The following LAMA3 variants were observed in gnomAD, a reference collection of about 807,000 sequenced individuals.
The protein encoded by LAMA3 is laminin subunit alpha 3.
LAMA3 carries 281 observed loss-of-function variants against 402.0 expected under a neutral mutation model. The observed-to-expected ratio is 0.70, with a 90% CI of 0.63 to 0.77. The LOEUF is 0.77. Among genes scored for constraint, LAMA3 ranks in the 30% least tolerant of loss-of-function variants. The pLI is 0.00. For missense variants in LAMA3, 3,840 were observed against 4,215.5 expected (o/e 0.91, Z 2.47); for synonymous variants, 1,431 against 1,558.4 (o/e 0.92, Z 1.93).
chr18:23,857,866 C>T lies in LAMA3; in HGVS notation c.4159C>T (p.Arg1387Trp), dbSNP rs746123848. The change falls in exon 33 of 75, where the codon CGG becomes TGG. Residue 1387 changes from arginine (R) to tryptophan (W), a missense_variant. Arg to Trp is a moderately radical substitution (Grantham distance 101). This residue lies in a region of LAMA3 where 2,109 missense variants were observed against 2,376.0 expected (regional missense o/e 0.89). Coordinates refer to ENST00000313654, the MANE Select transcript of LAMA3 (RefSeq NM_198129.4). ...QCRCKPRITG[R>W]QCDRCASGFY... ...CAGATGCAAGCCCAGAATCACAGGGCGGCAGTGTGACCGATGTGCTTCCGG... is the reference window on the plus strand; with the variant it reads ...CAGATGCAAGCCCAGAATCACAGGGTGGCAGTGTGACCGATGTGCTTCCGG... 66 of 1,614,068 alleles carry T rather than the reference C, an allele frequency of 4.1e-5. No individual in the cohort carries two copies. Among genetic ancestry groups the T allele is most frequent in the Middle Eastern group, 3.3e-4 (2 of 6,084 alleles).
chr18:23,874,849 A>AGGGACAAT (rs1182266148), intron 38 of LAMA3, among the ~76,000 whole-genome samples: 1 of 152,196 alleles, frequency 6.6e-6, no homozygotes, highest in African/African-American at 2.4e-5. Context: ...GAAATAAATT[A>AGGGACAAT]GGGACAATAT....
At chr18:23,905,482 T>C (rs1377293999) in intron 51 of LAMA3, 40 bp from the exon 52 acceptor site, 1 of 1,091,086 alleles carries the variant, frequency 9.2e-7, no homozygotes, top group South Asian at 1.2e-5. Context: ...TTTCGTAACA[T>C]ATAGCATTTG....
chr18:23,949,767 C>T lies in LAMA3; in HGVS notation c.9354C>T (p.Ser3118=), dbSNP rs2145558598. Residue 3118 remains serine (S), a splice_region_variant and synonymous_variant, in exon 71 of 75, where the codon AGC becomes AGT. Transcript: ENST00000313654. The part of the protein sequence containing the change: ...LGSPPSGKPK[S]LPTNSFVGCL... ...TTTTCTTTTCTGCTTGGTTGCAGAG[C>T]CTCCCCACAAACAGCTTTGTGGGAT... is the stretch of plus-strand genomic sequence containing the variant. The T allele has an allele frequency of 6.2e-7, 1 of 1,613,912 alleles. No individual in the cohort carries two copies. The highest frequency in any genetic ancestry group is 8.5e-7 in the Non-Finnish European group (1 of 1,179,974).
In LAMA3 at chr18:23,932,283, T is replaced by C; in HGVS notation, c.8700T>C (p.Phe2900=). The C allele has an allele frequency of 1.2e-6, 2 of 1,613,986 alleles. No individual in the cohort carries two copies. The highest frequency in any genetic ancestry group is 1.7e-6 in the Non-Finnish European group (2 of 1,179,856). ...TTGAGGGTTGTATTAGCAATGTTTT[T>C]GTCCAGAGGTAGGTGATCCTCTCTT... ...SNFEGCISNV[F]VQRLSLSPEV... Residue 2900 remains phenylalanine (F), a synonymous_variant, in exon 66 of 75, where the codon TTT becomes TTC. Transcript: ENST00000313654.
rs370811901 is a variant in LAMA3 at position 23,940,939 on chromosome 18, C to CTT, written c.9026+1567_9026+1568dup. Among the ~76,000 whole-genome samples the CTT allele has an allele frequency of 5.1e-3, 676 of 133,196 alleles. 11 individuals are homozygous for CTT. Among genetic ancestry groups the CTT allele is most frequent in the Middle Eastern group, 0.015 (4 of 264 alleles). 87.4% of individuals were successfully genotyped at this position (133,196 alleles called of 152,430 possible). A position where few individuals can be genotyped will look rare whatever the true frequency, so the allele number is the denominator to read the frequency against. ...TGACAATGACCTCCCTCTTTCTTTT[C>CTT]TTTTTTTTTTTTTTTGAGACGGAAT... is the stretch of plus-strand genomic sequence containing the variant. On this transcript the variant is annotated intron_variant, in intron 68 of 74. Transcript: ENST00000313654.
rs114197197 is a variant in LAMA3, at chr18:23,747,744, A to G, written c.448-199A>G. On this transcript the variant is annotated intron_variant, in intron 2 of 74. Transcript: ENST00000313654. Reference sequence around the variant, plus strand: ...TATATTTGGTGGAGAAAGAAAGATAATGATTTTTGTTTTGAATTTGATCAG... The same window carrying G: ...TATATTTGGTGGAGAAAGAAAGATAGTGATTTTTGTTTTGAATTTGATCAG... Among the ~76,000 whole-genome samples the G allele has an allele frequency of 3.9e-3, 587 of 152,282 alleles. 3 individuals carry two copies. Among genetic ancestry groups the G allele is most frequent in the African/African-American group, 0.013 (555 of 41,542 alleles).
At chr18:23,884,897 G>A (rs2065020731) in intron 41 of LAMA3, 44 bp downstream of exon 41, 1 of 1,497,304 alleles carries the variant, frequency 6.7e-7, no homozygotes, top group Non-Finnish European at 9.2e-7. Context: ...GAGGGGGCGG[G>A]GAGGGCTGTG....
At chr18:23,854,647 A>G (rs2064024934) in intron 32 of LAMA3, among the ~76,000 whole-genome samples, 1 of 150,864 alleles carries the variant, frequency 6.6e-6, no homozygotes, top group East Asian at 2.0e-4. Flanking sequence ...TCTCAAAAAA[A>G]TAAATAAATA....
Position 23,810,328 on chromosome 18 carries a change from CA to C in LAMA3, c.1604-36del, listed in dbSNP as rs912109826. ...GTGGTTCTTCCCCCTCCCATACCTG[CA>C]ACCCCCGCCTAAGTCTGATTGAATT... On this transcript the variant is annotated intron_variant, in intron 12 of 74. Transcript: ENST00000313654. 3 of 1,613,432 alleles carry C rather than the reference CA, an allele frequency of 1.9e-6. No homozygotes were observed. The African/African-American group carries it at 4.0e-5, about 22-fold the overall frequency.
At chr18:23,829,123 T>C (rs540172059) in intron 23 of LAMA3, among the ~76,000 whole-genome samples, 2 of 152,224 alleles carry the variant, frequency 1.3e-5, no homozygotes, top group African/African-American at 2.4e-5. Flanking sequence ...ATACATAGAC[T>C]TATATCAGTT....
Position 23,899,032 on chromosome 18 carries a change from G to C in LAMA3, c.5803G>C (p.Val1935Leu). The C allele has an allele frequency of 6.2e-7, 1 of 1,613,910 alleles. No individual in the cohort carries two copies. Among genetic ancestry groups the C allele is most frequent in the Non-Finnish European group, 8.5e-7 (1 of 1,179,814 alleles). Residue 1935 changes from valine to leucine, a missense_variant, in exon 46 of 75, where the codon GTG (valine) becomes CTG (leucine). By Grantham distance (32) the Val-to-Leu change is conservative (BLOSUM62 1). Transcript: ENST00000313654. ...RATQSAKELD[V>L]KIKNVIRNVH... ...AACACAAAGCGCAAAAGAACTGGAT[G>C]TGAAGATTAAAAATGTCATCCGGAA...
chr18:23,731,668 G>A (rs1168867205), intron 2 of LAMA3, among the ~76,000 whole-genome samples: 3 of 152,298 alleles, frequency 2.0e-5, no homozygotes, highest in African/African-American at 7.2e-5. Flanking sequence ...GGAGGTAAGA[G>A]TAGGTTTCCC....
intron 60 of LAMA3, among the ~76,000 whole-genome samples, chr18:23,917,366 A>G (rs1482115639): frequency 6.6e-6 from 1 of 152,196 alleles, no homozygotes; most frequent in African/African-American, 2.4e-5. Context: ...AACGATTTAT[A>G]TTCCTTTGGG....
At chr18:23,945,546 G>A (rs2082680581) in intron 69 of LAMA3, among the ~76,000 whole-genome samples, 1 of 152,184 alleles carries the variant, frequency 6.6e-6, no homozygotes, top group African/African-American at 2.4e-5. Context: ...AGACCTTCAA[G>A]CCCAGGTGTC....
intron 41 of LAMA3, among the ~76,000 whole-genome samples, chr18:23,885,743 T>C (rs939943792): frequency 6.6e-6 from 1 of 152,164 alleles, no homozygotes; most frequent in Non-Finnish European, 1.5e-5. Flanking sequence ...ATAAAATCAA[T>C]ACATATTTAT....
rs142392457 is a variant in LAMA3, at chr18:23,915,305, G to C, written c.7661G>C (p.Ser2554Thr). The change falls in exon 59 of 75, where the codon AGT becomes ACT. Residue 2554 changes from serine (S) to threonine (T), a missense_variant. Coordinates refer to ENST00000313654, the MANE Select transcript of LAMA3 (RefSeq NM_198129.4). ...PPDFKLPSRL[S>T]FPPYKGCIEL... Reference sequence around the variant, plus strand: ...CATTTTCAGCTTCCCAGTCGACTAAGTTTCCCTCCATACAAAGGTTGTATT... The same window carrying C: ...CATTTTCAGCTTCCCAGTCGACTAACTTTCCCTCCATACAAAGGTTGTATT... 29 of 1,613,700 alleles carry C rather than the reference G, an allele frequency of 1.8e-5. No homozygotes were observed. The African/African-American group carries it at 3.9e-4, about 22-fold the overall frequency.
chr18:23,705,285 T>C (rs928037172), intron 1 of LAMA3, among the ~76,000 whole-genome samples: 4 of 152,170 alleles, frequency 2.6e-5, no homozygotes, highest in African/African-American at 7.2e-5. Context: ...TTTATTTATT[T>C]ATGGGTGTTT....
chr18:23,710,726 C>CA (rs1244783358), intron 1 of LAMA3, among the ~76,000 whole-genome samples: 4 of 151,874 alleles, frequency 2.6e-5, no homozygotes, highest in Non-Finnish European at 5.9e-5. Context: ...AAAGAAAGGA[C>CA]AAGGAATACT....
Position 23,815,240 on chromosome 18 carries a change from G to T in LAMA3, c.1941G>T (p.Gln647His). The T allele has an allele frequency of 6.2e-7, 1 of 1,613,878 alleles. No homozygotes were observed. Among genetic ancestry groups the T allele is most frequent in the South Asian group, 1.1e-5 (1 of 91,026 alleles). Reference protein sequence around the residue: ...GTVSGTGECRQGDGDCHCKSH... With the variant: ...GTVSGTGECRHGDGDCHCKSH... ...TGAGTGGAACTGGAGAGTGTAGGCAGGTAAAGTGGGCTGAGTTTTCATGTG... is the reference window on the plus strand; with the variant it reads ...TGAGTGGAACTGGAGAGTGTAGGCATGTAAAGTGGGCTGAGTTTTCATGTG... The change falls in exon 16 of 75, where the codon CAG becomes CAT. Residue 647 changes from glutamine to histidine, a missense_variant and splice_region_variant. Coordinates refer to ENST00000313654, the MANE Select transcript of LAMA3 (RefSeq NM_198129.4).
Sources: gnomAD v4.1 joint callset for allele counts (sites outside exome capture counted in the v4.1 genomes callset) on GRCh38, gnomAD v4.1.1 for gene constraint, gnomAD v4.1.1 regional missense constraint, MANE v1.5 for transcripts, NCBI Gene and HGNC (gene_info 2026-07-23, HGNC 2026-07-21) for gene names.